Variants in ATG5 observed in about 807,000 individuals in gnomAD.
ATG5 encodes autophagy related 5.
Under a neutral mutation model 36.5 loss-of-function variants are expected in ATG5, and 14 were observed. The observed-to-expected ratio is 0.38, with a 90% CI of 0.25 to 0.60. ATG5 has a LOEUF of 0.60. Ranked by LOEUF, ATG5 falls within the 20% of genes least tolerant of loss-of-function variation. The pLI is 0.60. For synonymous variants in ATG5, 95 were observed against 101.5 expected, an observed-to-expected ratio of 0.94 and a Z score of 0.38; for missense variants, 195 against 326.7, an observed-to-expected ratio of 0.60 and a Z score of 3.11.
At chr6:106,270,834 T>C (rs1257489393) in intron 5 of ATG5, among the ~76,000 whole-genome samples, 1 of 152,146 alleles carries the variant, frequency 6.6e-6, no homozygotes, top group African/African-American at 2.4e-5. Context: ...GCTGCCCAAA[T>C]CATAACCCAG....
intron 5 of ATG5, among the ~76,000 whole-genome samples, chr6:106,250,736 G>A (rs1778542189): frequency 6.6e-6 from 1 of 152,198 alleles, no homozygotes; most frequent in African/African-American, 2.4e-5. Flanking sequence ...TGCATAGTAT[G>A]TGCTCTTGAA....
chr6:106,230,790 T>A (rs1371630113), intron 6 of ATG5, among the ~76,000 whole-genome samples: 1 of 152,128 alleles, frequency 6.6e-6, no homozygotes, highest in Admixed American at 6.5e-5. Flanking sequence ...CGATATACTC[T>A]TTAAGGGGGA....
At chr6:106,228,363 G>A (rs982941489) in intron 6 of ATG5, among the ~76,000 whole-genome samples, 1 of 152,152 alleles carries the variant, frequency 6.6e-6, no homozygotes, top group South Asian at 2.1e-4. Flanking sequence ...GCCCATTGCC[G>A]ATCCCGACTG....
chr6:106,195,036 C>T (rs1165511701), intron 7 of ATG5, among the ~76,000 whole-genome samples: 2 of 152,150 alleles, frequency 1.3e-5, no homozygotes, highest in African/African-American at 4.8e-5. Context: ...CCTGTTACCT[C>T]CAACTTGACT....
At chr6:106,240,002 T>C (rs932032206) in intron 6 of ATG5, among the ~76,000 whole-genome samples, 12 of 150,792 alleles carry the variant, frequency 8.0e-5, no homozygotes, top group Non-Finnish European at 1.5e-4. Context: ...AGGACCTTCT[T>C]TTTTTTTTGA....
intron 4 of ATG5, among the ~76,000 whole-genome samples, chr6:106,285,011 T>TA (rs1780022985): frequency 6.6e-6 from 1 of 152,160 alleles, no homozygotes; most frequent in Non-Finnish European, 1.5e-5. Context: ...TTCTTAAAAA[T>TA]ATTTCTTCTG....
At chr6:106,218,078 A>T (rs1777105090) in intron 6 of ATG5, among the ~76,000 whole-genome samples, 1 of 152,212 alleles carries the variant, frequency 6.6e-6, no homozygotes, top group South Asian at 2.1e-4. Flanking sequence ...TATCCATCTG[A>T]GAAATGCAAA....
intron 6 of ATG5, among the ~76,000 whole-genome samples, chr6:106,229,557 A>T (rs1359130287): frequency 2.0e-5 from 3 of 149,848 alleles, no homozygotes; most frequent in Non-Finnish European, 4.4e-5. Context: ...AGATAGAAAT[A>T]GTAAAAAAAA....
At chr6:106,281,322 T>A (rs1779869167) in intron 4 of ATG5, among the ~76,000 whole-genome samples, 1 of 152,156 alleles carries the variant, frequency 6.6e-6, no homozygotes, top group Non-Finnish European at 1.5e-5. Context: ...CCACAAAAGT[T>A]CCTCTGTGCC....
chr6:106,250,476 G>T (rs1460979552), intron 5 of ATG5, among the ~76,000 whole-genome samples: 1 of 152,100 alleles, frequency 6.6e-6, no homozygotes, highest in East Asian at 1.9e-4. Context: ...CAGAATCTTG[G>T]TCTTCCGATT....
intron 6 of ATG5, among the ~76,000 whole-genome samples, chr6:106,202,854 G>C (rs1242899685): frequency 1.3e-5 from 2 of 152,074 alleles, no homozygotes; most frequent in Non-Finnish European, 2.9e-5. Flanking sequence ...CTAGAGATGG[G>C]GTTTCACCAT....
chr6:106,214,637 C>A (rs1776972970), intron 6 of ATG5, among the ~76,000 whole-genome samples: 1 of 152,132 alleles, frequency 6.6e-6, no homozygotes, highest in Non-Finnish European at 1.5e-5. Flanking sequence ...TATTATAATT[C>A]TGTCTAGACA....
intron 1 of ATG5, among the ~76,000 whole-genome samples, chr6:106,320,626 A>G (rs1222672958): frequency 9.5e-5 from 6 of 63,440 alleles, no homozygotes; most frequent in African/African-American, 6.6e-4. Flanking sequence ...GGCTGTTCTG[A>G]AAAAAAAAAA....
At chr6:106,288,551 C>T (rs929462893) in intron 4 of ATG5, among the ~76,000 whole-genome samples, 1 of 152,124 alleles carries the variant, frequency 6.6e-6, no homozygotes, top group South Asian at 2.1e-4. Context: ...TTCTGATTCA[C>T]CCTTAAAAGC....
chr6:106,242,090 G>A (rs1778150353), intron 6 of ATG5, among the ~76,000 whole-genome samples: 1 of 151,972 alleles, frequency 6.6e-6, no homozygotes, highest in Non-Finnish European at 1.5e-5. Context: ...ATATTATTAA[G>A]CCTTTAAAAA....
intron 5 of ATG5, among the ~76,000 whole-genome samples, chr6:106,253,952 A>T (rs1332949451): frequency 2.0e-5 from 3 of 152,164 alleles, no homozygotes; most frequent in Non-Finnish European, 4.4e-5. Flanking sequence ...CTAGAAGCAG[A>T]TTCCTACCAG....
intron 5 of ATG5, among the ~76,000 whole-genome samples, chr6:106,257,466 C>T (rs1011122298): frequency 2.0e-5 from 3 of 152,078 alleles, no homozygotes; most frequent in African/African-American, 7.2e-5. Context: ...GGTTACTAGG[C>T]CATAAGAATT....
chr6:106,187,173 G>A (rs367887341), intron 7 of ATG5, among the ~76,000 whole-genome samples: 1 of 152,116 alleles, frequency 6.6e-6, no homozygotes, highest in East Asian at 1.9e-4. Flanking sequence ...GTTGTTTTCA[G>A]TAAAGCATTC....
At chr6:106,302,358 C>A (rs1770250214) in intron 3 of ATG5, among the ~76,000 whole-genome samples, 1 of 152,098 alleles carries the variant, frequency 6.6e-6, no homozygotes. Context: ...ACACACACAT[C>A]ATGCTTTAGT....
Sources: gnomAD v4.1 joint callset for allele counts (sites outside exome capture counted in the v4.1 genomes callset) on GRCh38, gnomAD v4.1.1 for gene constraint, MANE v1.5 for transcripts, NCBI Gene and HGNC (gene_info 2026-07-23, HGNC 2026-07-21) for gene names.